Variants in NEGR1 observed in about 807,000 individuals in gnomAD.
NEGR1 encodes the protein IgLON family member 4.
Under a neutral mutation model 40.9 loss-of-function variants are expected in NEGR1, and 10 were observed. The observed-to-expected ratio is 0.24, with a 90% CI of 0.15 to 0.42. The LOEUF is 0.42. Among genes scored for constraint, NEGR1 ranks in the 10% least tolerant of loss-of-function variants. The pLI is 1.00. For missense variants in NEGR1, 352 were observed against 438.9 expected, an observed-to-expected ratio of 0.80 and a Z score of 1.77; for synonymous variants, 185 against 166.8, an observed-to-expected ratio of 1.11 and a Z score of -0.84.
intron 4 of NEGR1, among the ~76,000 whole-genome samples, chr1:71,667,281 A>G (rs1889635): frequency 0.5 from 76,085 of 152,072 alleles, 19,079 homozygotes; most frequent in Middle Eastern, 0.56. Context: ...TTAGTAATTC[A>G]ATACAACCTG....
intron 1 of NEGR1, among the ~76,000 whole-genome samples, chr1:72,158,137 C>T (rs936273270): frequency 6.6e-6 from 1 of 152,134 alleles, no homozygotes; most frequent in Non-Finnish European, 1.5e-5. Flanking sequence ...AGAAGCTCTA[C>T]GTGAGAGCCA....
chr1:71,709,819 T>A (rs982109318), intron 3 of NEGR1, among the ~76,000 whole-genome samples: 4 of 152,200 alleles, frequency 2.6e-5, no homozygotes, highest in African/African-American at 4.8e-5. Flanking sequence ...AAACATTTCT[T>A]TAGCAGTACC....
intron 4 of NEGR1, among the ~76,000 whole-genome samples, chr1:71,649,321 C>T (rs1041298679): frequency 6.6e-6 from 1 of 152,042 alleles, no homozygotes; most frequent in African/African-American, 2.4e-5. Context: ...AAATGTATAT[C>T]TGATGACCCA....
intron 2 of NEGR1, among the ~76,000 whole-genome samples, chr1:71,858,778 C>A (rs1166446691): frequency 6.6e-6 from 1 of 152,038 alleles, no homozygotes. Flanking sequence ...TATTTTACTG[C>A]ATTTCAAAAT....
At chr1:71,419,195 A>G (rs1412845938) in intron 6 of NEGR1, among the ~76,000 whole-genome samples, 1 of 152,126 alleles carries the variant, frequency 6.6e-6, no homozygotes, top group Non-Finnish European at 1.5e-5. Context: ...TCCTTCCCAA[A>G]ATAATCACCT....
chr1:71,798,817 G>A (rs1329836779), intron 2 of NEGR1, among the ~76,000 whole-genome samples: 1 of 152,128 alleles, frequency 6.6e-6, no homozygotes, highest in Non-Finnish European at 1.5e-5. Context: ...AGCTGAGTAA[G>A]AGTGTTGATA....
At chr1:71,582,607 G>A (rs1347693675) in intron 6 of NEGR1, among the ~76,000 whole-genome samples, 1 of 152,078 alleles carries the variant, frequency 6.6e-6, no homozygotes, top group East Asian at 1.9e-4. Context: ...TTCTCTGGGG[G>A]AAACAAAGTT....
At chr1:71,939,462 G>A (rs1645939952) in intron 1 of NEGR1, among the ~76,000 whole-genome samples, 1 of 152,100 alleles carries the variant, frequency 6.6e-6, no homozygotes, top group Non-Finnish European at 1.5e-5. Flanking sequence ...AAATTTTGGA[G>A]AAAGGAATAA....
In NEGR1 at chr1:71,436,625, C is replaced by A. The variant is rs369734618; in HGVS notation, c.941-29055G>T. The stretch of plus-strand genomic sequence containing the variant: ...TATGTTGTATTTCTGTAAGTTACAT[C>A]AAGTGTGTCTACCTCTCCTGCCTTC... On this transcript the variant is annotated intron_variant, in intron 6 of 6. Transcript: ENST00000357731. 1.3e-4 allele frequency among the ~76,000 whole-genome samples: 20 copies of A among 152,248 alleles called. 1 individual carries two copies. Among genetic ancestry groups the A allele is most frequent in the Admixed American group, 8.5e-4 (13 of 15,284 alleles).
chr1:72,016,113 T>G (rs543423461), intron 1 of NEGR1, among the ~76,000 whole-genome samples: 1 of 152,296 alleles, frequency 6.6e-6, no homozygotes, highest in Non-Finnish European at 1.5e-5. Flanking sequence ...TTTTTTTTGT[T>G]GTTCAGTCAC....
intron 4 of NEGR1, among the ~76,000 whole-genome samples, chr1:71,654,427 G>T (rs563174369): frequency 6.6e-6 from 1 of 152,234 alleles, no homozygotes; most frequent in African/African-American, 2.4e-5. Flanking sequence ...GCTAGGGGTT[G>T]GAAGTAGAGG....
chr1:72,126,088 A>ACT (rs1460989217), intron 1 of NEGR1, among the ~76,000 whole-genome samples: 2 of 129,324 alleles, frequency 1.5e-5, no homozygotes, highest in Non-Finnish European at 3.2e-5. Context: ...ATTAGAGAAA[A>ACT]GTATGTGTGT....
At chr1:71,565,793 G>A (rs1341206783) in intron 6 of NEGR1, among the ~76,000 whole-genome samples, 1 of 152,082 alleles carries the variant, frequency 6.6e-6, no homozygotes, top group Non-Finnish European at 1.5e-5. Context: ...ATGTTCTTAG[G>A]AACAATTTCA....
chr1:71,754,423 T>C (rs1311965320), intron 3 of NEGR1, among the ~76,000 whole-genome samples: 1 of 152,222 alleles, frequency 6.6e-6, no homozygotes, highest in Non-Finnish European at 1.5e-5. Flanking sequence ...TAAATATTTT[T>C]GGTGAAATAA....
chr1:71,679,690 T>C (rs1652766414), intron 4 of NEGR1, among the ~76,000 whole-genome samples: 1 of 152,080 alleles, frequency 6.6e-6, no homozygotes, highest in African/African-American at 2.4e-5. Context: ...TTTATTCTCC[T>C]TTTTACTACA....
chr1:71,776,167 T>G lies in NEGR1; in HGVS notation c.535+5A>C, dbSNP rs1570331025. On this transcript the variant is annotated splice_donor_5th_base_variant and intron_variant, in intron 3 of 6. Coordinates refer to ENST00000357731, the MANE Select transcript of NEGR1 (RefSeq NM_173808.3). ...ACAAACAACACTAATGCATTCCTAC[T>G]TTACCTGATGGGGAGATGTGTCGCC... 1.2e-6 allele frequency: 2 copies of G among 1,608,280 alleles called. No homozygotes were observed. Among genetic ancestry groups the G allele is most frequent in the East Asian group, 4.5e-5 (2 of 44,602 alleles).
intron 2 of NEGR1, among the ~76,000 whole-genome samples, chr1:71,907,604 T>C (rs1661312088): frequency 6.6e-6 from 1 of 152,100 alleles, no homozygotes; most frequent in Admixed American, 6.6e-5. Context: ...CTTTGGAAAT[T>C]TCTCAAAAAA....
chr1:72,264,391 TGAAA>T (rs1455489840), intron 1 of NEGR1, among the ~76,000 whole-genome samples: 1 of 151,088 alleles, frequency 6.6e-6, no homozygotes, highest in Admixed American at 6.6e-5. Flanking sequence ...TTCAAAGATA[TGAAA>T]GAAATATGTT....
intron 4 of NEGR1, among the ~76,000 whole-genome samples, chr1:71,683,087 C>A (rs1033854299): frequency 6.6e-6 from 1 of 152,130 alleles, no homozygotes; most frequent in African/African-American, 2.4e-5. Flanking sequence ...TAAGAGGCTG[C>A]AGACTTATTT....
Sources: gnomAD v4.1 joint callset for allele counts (sites outside exome capture counted in the v4.1 genomes callset) on GRCh38, gnomAD v4.1.1 for gene constraint, MANE v1.5 for transcripts, NCBI Gene and HGNC (gene_info 2026-07-23, HGNC 2026-07-21) for gene names.